ECT2: variants seen among roughly 807,000 people sequenced by gnomAD.
The protein encoded by ECT2 is protein ECT2.
ECT2 carries 61 observed loss-of-function variants against 116.9 expected under a neutral mutation model. That is an observed-to-expected ratio of 0.52 (90% CI 0.42 to 0.65). The LOEUF (loss-of-function observed/expected upper bound fraction) is 0.65. ECT2 is among the 30% of genes least tolerant of loss of function. ECT2 has a pLI of 0.00. For missense variants in ECT2, 937 were observed against 1,078.7 expected, an observed-to-expected ratio of 0.87 and a Z score of 1.84; for synonymous variants, 358 against 346.4, an observed-to-expected ratio of 1.03 and a Z score of -0.37.
the ECT2 span, among the ~76,000 whole-genome samples, chr3:172,826,787 T>C: frequency 2.0e-5 from 3 of 151,970 alleles, no homozygotes; most frequent in Non-Finnish European, 4.4e-5. Context: ...CCACCAAAAA[T>C]AGACAAATGG....
intron 6 of ECT2, among the ~76,000 whole-genome samples, chr3:172,759,893 A>G (rs1169326760): frequency 6.6e-6 from 1 of 152,184 alleles, no homozygotes; most frequent in African/African-American, 2.4e-5. Context: ...AAAGCAATAT[A>G]TTTAGGCCAT....
intron 7 of ECT2, 69 bp downstream of exon 7, chr3:172,760,332 G>C (rs1717979924): frequency 2.5e-6 from 2 of 804,634 alleles, no homozygotes; most frequent in Non-Finnish European, 3.9e-6. Context: ...AATAATAGCA[G>C]TCTTTTATCT....
rs540934144 is a variant in ECT2, at chr3:172,787,604, C to T, written c.1907+1030C>T. On this transcript the variant is annotated intron_variant, in intron 18 of 24. Coordinates refer to ENST00000392692, the MANE Select transcript of ECT2 (RefSeq NM_001258315.2). ...AGCCATCATGCTTTTGCTTTTTTTC[C>T]CCTAGGACCAGGATAACGGTATTGA... is the stretch of plus-strand genomic sequence containing the variant. Among the ~76,000 whole-genome samples the T allele has an allele frequency of 2.0e-5, 3 of 151,926 alleles. 1 individual carries two copies. The South Asian group carries it at 6.2e-4, about 32-fold the overall frequency.
At chr3:172,816,048 G>C (rs1485058909) in intron 23 of ECT2, among the ~76,000 whole-genome samples, 1 of 152,082 alleles carries the variant, frequency 6.6e-6, no homozygotes, top group African/African-American at 2.4e-5. Context: ...CGGTAGTCAG[G>C]GGACCTGACT....
At chr3:172,799,127 T>A (rs1442044659) in intron 18 of ECT2, among the ~76,000 whole-genome samples, 1 of 152,212 alleles carries the variant, frequency 6.6e-6, no homozygotes, top group Non-Finnish European at 1.5e-5. Flanking sequence ...CTGTTGGTTG[T>A]TTTTGAGTTC....
intron 18 of ECT2, among the ~76,000 whole-genome samples, chr3:172,795,088 G>A (rs1314057994): frequency 2.0e-5 from 3 of 151,770 alleles, no homozygotes; most frequent in Non-Finnish European, 4.4e-5. Flanking sequence ...ACTATATTTC[G>A]TGGTTTTCAG....
chr3:172,822,915 G>A (rs1210409829), downstream of ECT2, among the ~76,000 whole-genome samples: 2 of 151,948 alleles, frequency 1.3e-5, no homozygotes, highest in Non-Finnish European at 2.9e-5. Context: ...AGGATATCTG[G>A]AGAGAAAAAT....
intron 18 of ECT2, among the ~76,000 whole-genome samples, chr3:172,793,690 C>T (rs1725105105): frequency 6.6e-6 from 1 of 151,986 alleles, no homozygotes; most frequent in Non-Finnish European, 1.5e-5. Flanking sequence ...TCTCGATCTC[C>T]TGACCTCAAG....
intron 18 of ECT2, among the ~76,000 whole-genome samples, chr3:172,800,465 T>A (rs1163721372): frequency 6.6e-6 from 1 of 152,134 alleles, no homozygotes; most frequent in Non-Finnish European, 1.5e-5. Flanking sequence ...CTCCCAACCT[T>A]CTCTTTATTA....
chr3:172,771,602 A>G lies in ECT2; in HGVS notation c.1429-2301A>G, dbSNP rs143739944. 1.8e-3 allele frequency among the ~76,000 whole-genome samples: 271 copies of G among 152,326 alleles called. 6 individuals carry two copies. The highest frequency in any genetic ancestry group is 6.3e-3 in the African/African-American group (262 of 41,558). On this transcript the variant is annotated intron_variant, in intron 13 of 24. Coordinates refer to ENST00000392692, the MANE Select transcript of ECT2 (RefSeq NM_001258315.2). ...AGAGAAGGCCTTTGAGTGGTGTGCTATATTATCTAAGCTATAGAATAATTT... is the reference window on the plus strand; with the variant it reads ...AGAGAAGGCCTTTGAGTGGTGTGCTGTATTATCTAAGCTATAGAATAATTT...
At chr3:172,810,795 G>A (rs1207771070) in intron 22 of ECT2, among the ~76,000 whole-genome samples, 1 of 152,104 alleles carries the variant, frequency 6.6e-6, no homozygotes, top group African/African-American at 2.4e-5. Context: ...TAACACCCAT[G>A]AATAGGATTT....
chr3:172,768,039 T>A (rs1394246771), intron 12 of ECT2, among the ~76,000 whole-genome samples: 2 of 152,216 alleles, frequency 1.3e-5, no homozygotes, highest in South Asian at 4.1e-4. Context: ...GCCGCAAATT[T>A]TTTTCTTTCA....
chr3:172,810,853 A>AT (rs1214717032), intron 22 of ECT2, among the ~76,000 whole-genome samples: 3 of 152,214 alleles, frequency 2.0e-5, no homozygotes, highest in Non-Finnish European at 4.4e-5. Flanking sequence ...AATATTATAT[A>AT]TCTCAGTGGG....
chr3:172,829,039 G>C, the ECT2 span: 1 of 774,110 alleles, frequency 1.3e-6, no homozygotes. Context: ...CTGGAGTGGG[G>C]AGCTGCTGTG....
chr3:172,764,206 A>G (rs1201965983), intron 11 of ECT2, 72 bp from the exon 12 acceptor site: 1 of 1,321,250 alleles, frequency 7.6e-7, no homozygotes, highest in East Asian at 2.4e-5. Flanking sequence ...ACTTGTAAAT[A>G]TATTTTTCTC....
chr3:172,777,821 C>A (rs1722012374), intron 14 of ECT2, among the ~76,000 whole-genome samples: 1 of 152,158 alleles, frequency 6.6e-6, no homozygotes. Flanking sequence ...ATCGCTTGAA[C>A]CCAGGAGGCA....
intron 17 of ECT2, among the ~76,000 whole-genome samples, chr3:172,785,560 A>G (rs924628128): frequency 3.3e-5 from 5 of 152,116 alleles, no homozygotes; most frequent in African/African-American, 1.2e-4. Flanking sequence ...AACAGGAAAA[A>G]GTCTATAATA....
chr3:172,819,226 C>T (rs1730313069), intron 24 of ECT2, among the ~76,000 whole-genome samples: 1 of 151,866 alleles, frequency 6.6e-6, no homozygotes, highest in African/African-American at 2.4e-5. Context: ...CTTCATCAAC[C>T]CAGCTTTTTA....
intron 20 of ECT2, among the ~76,000 whole-genome samples, chr3:172,804,128 T>TA (rs1205235024): frequency 1.3e-5 from 2 of 152,134 alleles, no homozygotes; most frequent in African/African-American, 2.4e-5. Context: ...TTTAAAGTCT[T>TA]ATATGCTTTC....
Sources: gnomAD v4.1 joint callset for allele counts (sites outside exome capture counted in the v4.1 genomes callset) on GRCh38, gnomAD v4.1.1 for gene constraint, MANE v1.5 for transcripts, NCBI Gene and HGNC (gene_info 2026-07-23, HGNC 2026-07-21) for gene names.